AHDC1: variants seen among roughly 807,000 people sequenced by gnomAD.
The protein encoded by AHDC1 is AT-hook DNA binding motif containing 1, also known as transcription factor Gibbin.
AHDC1 carries 7 observed loss-of-function variants against 87.9 expected under a neutral mutation model. The ratio of observed to expected loss-of-function variants is 0.08; its 90% CI spans 0.05 to 0.15. The LOEUF is 0.15. Among genes scored for constraint, AHDC1 ranks in the 10% least tolerant of loss-of-function variants. The probability of loss-of-function intolerance (pLI) is 1.00; values close to 1 mark genes in which losing one functional copy is unlikely to be tolerated. For synonymous variants in AHDC1, 1,051 were observed against 1,006.8 expected, an observed-to-expected ratio of 1.04 and a Z score of -0.83; for missense variants, 1,841 against 2,253.2, an observed-to-expected ratio of 0.82 and a Z score of 3.70.
chr1:27,550,937 C>T lies in AHDC1; in HGVS notation c.1179G>A (p.Leu393=), dbSNP rs1264752553. Residue 393 remains leucine, a synonymous_variant, in exon 8 of 9, where the codon CTG becomes CTA. Transcript: ENST00000673934. ...ALRRTDRPKI[L]CRRRKAGRGR... ...CCCGTCCGGCTTTCCGCCGGCGACA[C>T]AGGATCTTTGGCCTATCAGTGCGCC... 5 of 1,599,066 alleles carry T rather than the reference C, an allele frequency of 3.1e-6. No homozygotes were observed. Among genetic ancestry groups the T allele is most frequent in the Admixed American group, 1.7e-5 (1 of 59,576 alleles).
Position 27,598,341 on chromosome 1 carries a change from C to T in AHDC1, c.-629+5056G>A, listed in dbSNP as rs1274045988. Reference sequence around the variant, plus strand: ...AGGGGGCTGGAGGGAGGCAGGGCCTCACTTTACTCTCACTTCACCATTGCC... The same window carrying T: ...AGGGGGCTGGAGGGAGGCAGGGCCTTACTTTACTCTCACTTCACCATTGCC... On this transcript the variant is annotated intron_variant, in intron 3 of 8. Coordinates refer to ENST00000673934, the MANE Select transcript of AHDC1 (RefSeq NM_001371928.1). The surrounding 1 kb of genome is among the most constrained non-coding windows in gnomAD (Gnocchi z 4.2). Among the ~76,000 whole-genome samples, 1 of 152,232 alleles carries T rather than the reference C, an allele frequency of 6.6e-6. No homozygotes were observed. Among genetic ancestry groups the T allele is most frequent in the Non-Finnish European group, 1.5e-5 (1 of 68,030 alleles).
chr1:27,548,135 G>C lies in AHDC1; in HGVS notation c.3981C>G (p.Pro1327=). The C allele has an allele frequency of 6.2e-7, 1 of 1,613,924 alleles. No individual in the cohort carries two copies. Among genetic ancestry groups the C allele is most frequent in the Non-Finnish European group, 8.5e-7 (1 of 1,180,040 alleles). The change falls in exon 8 of 9, where the codon CCC becomes CCG. Residue 1327 remains proline (P), a synonymous_variant. Transcript: ENST00000673934. ...YSGDSSMSPL[P]SQSRAFGVGE... is the part of the protein sequence containing the mutation. ...CCACGCCGAAGGCCCTCGACTGTGA[G>C]GGCAGTGGTGACATGCTGCTGTCCC... is the stretch of plus-strand genomic sequence containing the variant.
chr1:27,595,042 G>A lies in AHDC1; in HGVS notation c.-629+8355C>T, dbSNP rs1405990187. ...AGGACTGCCTGTCGAGGAGGTGCCG[G>A]GATCCAGGAGGCAGTGTGCACAAGT... On this transcript the variant is annotated intron_variant, in intron 3 of 8. Coordinates refer to ENST00000673934, the MANE Select transcript of AHDC1 (RefSeq NM_001371928.1). The surrounding 1 kb of genome is among the most constrained non-coding windows in gnomAD (Gnocchi z 4.0). 3.3e-5 allele frequency among the ~76,000 whole-genome samples: 5 copies of A among 152,180 alleles called. No homozygotes were observed. The South Asian group carries it at 6.2e-4, about 19-fold the overall frequency.
rs1172131579 is a variant in AHDC1 at position 27,534,267 on chromosome 1, TTTTTG to T, written c.*688_*692del. The T allele has an allele frequency of 6.6e-6, 1 of 151,154 alleles. No individual in the cohort carries two copies. The highest frequency in any genetic ancestry group is 1.5e-5 in the Non-Finnish European group (1 of 67,884). 9.4% of individuals were successfully genotyped at this position (151,154 alleles called of 1,614,324 possible). A position where few individuals can be genotyped will look rare whatever the true frequency, so the allele number is the denominator to read the frequency against. ...AGGTTGGTTTTTTTTTTTTGTTTTT[TTTTTG>T]TTTTTTTTTTGCTTTTTTTCATTTC... On this transcript the variant is annotated 3_prime_UTR_variant, in exon 9 of 9. Coordinates refer to ENST00000673934, the MANE Select transcript of AHDC1 (RefSeq NM_001371928.1).
chr1:27,545,419 T>A (rs1227875219), intron 8 of AHDC1, among the ~76,000 whole-genome samples: 1 of 151,990 alleles, frequency 6.6e-6, no homozygotes, highest in East Asian at 1.9e-4. Flanking sequence ...GGCATCCCAG[T>A]TCCTCCTGCG....
intron 3 of AHDC1, among the ~76,000 whole-genome samples, chr1:27,559,898 T>C (rs1290890554): frequency 1.3e-5 from 2 of 152,182 alleles, no homozygotes; most frequent in African/African-American, 4.8e-5. Context: ...ATGCGTGTGA[T>C]CGAGATTCTG....
At chr1:27,587,272 T>C (rs964689077) in intron 3 of AHDC1, among the ~76,000 whole-genome samples, 1 of 152,140 alleles carries the variant, frequency 6.6e-6, no homozygotes, top group African/African-American at 2.4e-5. Flanking sequence ...AGGGGTACAT[T>C]CCATGTCACA....
chr1:27,548,005 C>A lies in AHDC1; in HGVS notation c.4111G>T (p.Gly1371Cys). 2 of 1,608,838 alleles carry A rather than the reference C, an allele frequency of 1.2e-6. No individual in the cohort carries two copies. The highest frequency in any genetic ancestry group is 1.7e-6 in the Non-Finnish European group (2 of 1,176,096). The change falls in exon 8 of 9, where the codon GGT (glycine) becomes TGT (cysteine). Residue 1371 changes from glycine (G) to cysteine (C), a missense_variant. By Grantham distance (159) the Gly-to-Cys change is radical. This residue lies in a region of AHDC1 where 505 missense variants were observed against 626.2 expected (regional missense o/e 0.81). Coordinates refer to ENST00000673934, the MANE Select transcript of AHDC1 (RefSeq NM_001371928.1). ...QGFHCDSPSL[G>C]APELDGKHFP... Reference sequence around the variant, plus strand: ...TGCTTGCCATCAAGCTCGGGAGCACCCAGGCTGGGCGAGTCGCAGTGGAAG... The same window carrying A: ...TGCTTGCCATCAAGCTCGGGAGCACACAGGCTGGGCGAGTCGCAGTGGAAG...
At chr1:27,592,349 A>G (rs1374973972) in intron 3 of AHDC1, among the ~76,000 whole-genome samples, 1 of 151,518 alleles carries the variant, frequency 6.6e-6, no homozygotes, top group Non-Finnish European at 1.5e-5. Context: ...CCAGCTCGTC[A>G]CCCACCCAGC....
At chr1:27,541,024 A>AAAAAAAAAAAAAC (rs2018889590) in intron 8 of AHDC1, among the ~76,000 whole-genome samples, 1 of 138,552 alleles carries the variant, frequency 7.2e-6, no homozygotes, top group African/African-American at 2.8e-5. Flanking sequence ...AAAAAAAAAA[A>AAAAAAAAAAAAAC]AACAACAACA....
chr1:27,566,591 A>G (rs1056782196), intron 3 of AHDC1, among the ~76,000 whole-genome samples: 15 of 143,166 alleles, frequency 1.0e-4, no homozygotes, highest in Admixed American at 9.9e-4. Context: ...GGTGAGACAC[A>G]CTCAGATGGG....
At chr1:27,570,216 A>G (rs957875467) in intron 3 of AHDC1, among the ~76,000 whole-genome samples, 51 of 151,496 alleles carry the variant, frequency 3.4e-4, no homozygotes, top group Non-Finnish European at 4.9e-4. Flanking sequence ...CCCTGCCGGG[A>G]TCAGATACCT....
chr1:27,586,787 C>T (rs1280589640), intron 3 of AHDC1, among the ~76,000 whole-genome samples: 1 of 152,248 alleles, frequency 6.6e-6, no homozygotes, highest in East Asian at 1.9e-4. Context: ...GCCCTGCTCC[C>T]CAGTCAGTGG....
rs1305215639 is a variant in AHDC1, at chr1:27,550,073, G to A, written c.2043C>T (p.Gly681=). ...AGCATCGGGCTGACTTGGCCGCATG[G>A]CCCCCACCCCGGCCACCAAAACCGC... The part of the protein sequence containing the change: ...KAGGFGGRGG[G]HAAKSARCSF... The change falls in exon 8 of 9, where the codon GGC becomes GGT. Residue 681 remains glycine (G), a synonymous_variant. Transcript: ENST00000673934. 1.1e-5 allele frequency: 18 copies of A among 1,607,906 alleles called. No homozygotes were observed. The highest frequency in any genetic ancestry group is 1.3e-5 in the Non-Finnish European group (15 of 1,177,070).
intron 8 of AHDC1, among the ~76,000 whole-genome samples, chr1:27,537,930 T>C (rs888530936): frequency 2.6e-5 from 4 of 152,200 alleles, no homozygotes; most frequent in Admixed American, 2.0e-4. Context: ...CAGAGGGGGC[T>C]GCTCTCCTCC....
In AHDC1 at chr1:27,561,289, C is replaced by T. The variant is rs888139798; in HGVS notation, c.-628-2406G>A. ...GGCTCATCTTGGCCCTGTTCTCCTA[C>T]ATATGGTGGTGGTGGGTGGGAGGAG... On this transcript the variant is annotated intron_variant, in intron 3 of 8. Coordinates refer to ENST00000673934, the MANE Select transcript of AHDC1 (RefSeq NM_001371928.1). This position sits in a 1 kb window ranked among gnomAD's most constrained non-coding sequence, Gnocchi z 4.2. Among the ~76,000 whole-genome samples the T allele has an allele frequency of 2.6e-5, 4 of 152,200 alleles. No homozygotes were observed. Among genetic ancestry groups the T allele is most frequent in the Non-Finnish European group, 4.4e-5 (3 of 68,028 alleles).
At position 27,551,308 on chromosome 1, in the gene AHDC1, C is replaced by T. The variant is rs1453259977; in HGVS notation, c.808G>A (p.Glu270Lys). 14 of 1,611,620 alleles carry T rather than the reference C, an allele frequency of 8.7e-6. No individual in the cohort carries two copies. The highest frequency in any genetic ancestry group is 4.5e-5 in the East Asian group (2 of 44,802). The change falls in exon 8 of 9, where the codon GAG (glutamate) becomes AAG (lysine). Residue 270 changes from glutamate (E) to lysine (K), a missense_variant. By Grantham distance (56) the Glu-to-Lys change is moderately conservative (BLOSUM62 1). Coordinates refer to ENST00000673934, the MANE Select transcript of AHDC1 (RefSeq NM_001371928.1). ...EAQALEPPSPEPEPQLLDPQP... is the reference protein window; with the variant it reads ...EAQALEPPSPKPEPQLLDPQP... ...GGGTCCAGGAGCTGAGGCTCCGGCT[C>T]GGGCGATGGTGGCTCGAGGGCCTGG... is the stretch of plus-strand genomic sequence containing the variant.
chr1:27,549,125 G>A lies in AHDC1; in HGVS notation c.2991C>T (p.Asp997=), dbSNP rs1246858692. ...FTGQDCANSK[D]CSFAYGSGNS... is the part of the protein sequence containing the mutation. ...TGCCACTGCCATAGGCGAAGCTGCA[G>A]TCCTTGCTGTTAGCGCAGTCCTGGC... The change falls in exon 8 of 9, where the codon GAC becomes GAT. Residue 997 remains aspartate (D), a synonymous_variant. Coordinates refer to ENST00000673934, the MANE Select transcript of AHDC1 (RefSeq NM_001371928.1). The A allele has an allele frequency of 6.4e-7, 1 of 1,553,070 alleles. No homozygotes were observed.
intron 3 of AHDC1, among the ~76,000 whole-genome samples, chr1:27,599,252 C>T (rs2148499293): frequency 6.6e-6 from 1 of 152,238 alleles, no homozygotes; most frequent in South Asian, 2.1e-4. Flanking sequence ...CTGGTTGGGC[C>T]CCCTCCCTCT....
Sources: allele counts gnomAD v4.1 joint callset (sites outside exome capture counted in the v4.1 genomes callset), GRCh38; gene constraint gnomAD v4.1.1; regional missense constraint gnomAD v4.1.1; non-coding constraint Gnocchi (gnomAD v3.1); transcripts MANE v1.5; gene names NCBI Gene and HGNC (gene_info 2026-07-23, HGNC 2026-07-21).